The following RNF103 variants were observed in gnomAD, a reference collection of about 807,000 sequenced individuals.
RNF103 encodes the protein E3 ubiquitin-protein ligase RNF103.
In RNF103, 23 loss-of-function variants were observed where a neutral mutation model predicts 66.2. The ratio of observed to expected loss-of-function variants is 0.35; its 90% CI spans 0.25 to 0.49. The LOEUF (loss-of-function observed/expected upper bound fraction) is 0.49, where lower values mean the gene tolerates loss of function less well. RNF103 is among the 20% of genes least tolerant of loss of function. The pLI is 0.98. For synonymous variants in RNF103, 297 were observed against 289.9 expected, an observed-to-expected ratio of 1.02 and a Z score of -0.25; for missense variants, 730 against 814.7, an observed-to-expected ratio of 0.90 and a Z score of 1.27.
intron 3 of RNF103, among the ~76,000 whole-genome samples, chr2:86,607,465 A>C (rs1483608619): frequency 3.3e-5 from 5 of 152,236 alleles, no homozygotes; most frequent in Admixed American, 6.5e-5. Flanking sequence ...AAAACTGTCT[A>C]GGTGACTCAA....
intron 2 of RNF103, chr2:86,617,816 G>A: frequency 1.9e-6 from 2 of 1,060,832 alleles, no homozygotes; most frequent in Non-Finnish European, 2.3e-6. Flanking sequence ...TCTTTTAAGG[G>A]CTTAAACCAA....
intron 3 of RNF103, 133 bp downstream of exon 3, chr2:86,612,026 C>A: frequency 3.8e-6 from 2 of 519,662 alleles, no homozygotes; most frequent in South Asian, 3.4e-5. Flanking sequence ...TAATCAAGCA[C>A]CTATGTAACT....
At chr2:86,620,990 T>C (rs913729130) in intron 1 of RNF103, among the ~76,000 whole-genome samples, 5 of 152,288 alleles carry the variant, frequency 3.3e-5, no homozygotes, top group Admixed American at 2.6e-4. Flanking sequence ...ACAAACTCCA[T>C]ATTCATATAC....
Position 86,623,111 on chromosome 2 carries a change from G to T in RNF103, c.-225C>A. The T allele has an allele frequency of 8.0e-7, 1 of 1,243,432 alleles. No homozygotes were observed. Among genetic ancestry groups the T allele is most frequent in the Non-Finnish European group, 1.0e-6 (1 of 996,358 alleles). 77.0% of individuals were successfully genotyped at this position (1,243,432 alleles called of 1,614,324 possible). A position where few individuals can be genotyped will look rare whatever the true frequency, so the allele number is the denominator to read the frequency against. ...ACGCAGAGACGCAGAGCCTCGCGCCGGGCCTCCCAGTCAAGAGCCGACAAA... is the reference window on the plus strand; with the variant it reads ...ACGCAGAGACGCAGAGCCTCGCGCCTGGCCTCCCAGTCAAGAGCCGACAAA... On this transcript the variant is annotated 5_prime_UTR_variant, in exon 1 of 4. Transcript: ENST00000237455.
chr2:86,609,384 A>AT (rs112431636), intron 3 of RNF103, among the ~76,000 whole-genome samples: 5,287 of 134,396 alleles, frequency 0.039, 116 homozygotes, highest in Non-Finnish European at 0.053. Context: ...AGCCTCAGGT[A>AT]TTTTTTTTTT....
chr2:86,616,459 A>G (rs1278795930), intron 2 of RNF103: 4 of 945,884 alleles, frequency 4.2e-6, no homozygotes, highest in East Asian at 1.2e-4. Flanking sequence ...GTATTCTTAC[A>G]TAGAATTTAT....
At chr2:86,613,815 C>G (rs1573362634) in intron 2 of RNF103, 1 of 152,170 alleles carries the variant, frequency 6.6e-6, no homozygotes, top group Admixed American at 6.5e-5. Context: ...CTGTGACACT[C>G]CACTACCATC....
chr2:86,623,745 C>T lies in RNF103; in HGVS notation c.-859G>A. 7.8e-7 allele frequency: 1 copy of T among 1,274,456 alleles called. No individual in the cohort carries two copies. Among genetic ancestry groups the T allele is most frequent in the Non-Finnish European group, 1.0e-6 (1 of 982,976 alleles). 78.9% of individuals were successfully genotyped at this position (1,274,456 alleles called of 1,614,324 possible). ...TCCCGGCCACTCAGCGCCCGTCCCG[C>T]TCGGATGGGCAGTGCCGGTCGCAGC... On this transcript the variant is annotated 5_prime_UTR_variant, in exon 1 of 4. Coordinates refer to ENST00000237455, the MANE Select transcript of RNF103 (RefSeq NM_005667.4).
In RNF103 at chr2:86,623,846, G is replaced by C. The variant is rs1300176065; in HGVS notation, c.-960C>G. 1 of 1,287,884 alleles carries C rather than the reference G, an allele frequency of 7.8e-7. No homozygotes were observed. Among genetic ancestry groups the C allele is most frequent in the Non-Finnish European group, 1.0e-6 (1 of 988,346 alleles). The allele number at this position is 1,287,884 out of a possible 1,614,324, so 79.8% of individuals were successfully genotyped here. ...ACAACCGTGTATCAGCGGCGGCCGC[G>C]GCCGGAGCCGAGACATAACAACTGA... On this transcript the variant is annotated 5_prime_UTR_variant, in exon 1 of 4. Coordinates refer to ENST00000237455, the MANE Select transcript of RNF103 (RefSeq NM_005667.4).
intron 1 of RNF103, among the ~76,000 whole-genome samples, chr2:86,621,678 AAAG>A (rs147550751): frequency 0.069 from 10,480 of 152,242 alleles, 380 homozygotes; most frequent in Non-Finnish European, 0.072. Context: ...ATAAGGTACT[AAAG>A]AAGGAAAAGA....
intron 2 of RNF103, 115 bp from the exon 3 acceptor site, chr2:86,612,389 T>C (rs774184530): frequency 6.4e-6 from 4 of 623,876 alleles, no homozygotes; most frequent in Non-Finnish European, 1.1e-5. Context: ...TTCCCAGTTC[T>C]TGTTTACTGT....
Position 86,612,184 on chromosome 2 carries a change from T to C in RNF103, c.457A>G (p.Thr153Ala), listed in dbSNP as rs1678823162. Residue 153 changes from threonine to alanine, a missense_variant, in exon 3 of 4, where the codon ACA becomes GCA. By Grantham distance (58) the Thr-to-Ala change is moderately conservative. Transcript: ENST00000237455. ...KVSRFGIRTG[T>A]FNCSSDPRYC... Reference sequence around the variant, plus strand: ...CTGGGATCACTGGAACAGTTAAATGTGCCTGTACGTATTCCAAATCTTGAC... The same window carrying C: ...CTGGGATCACTGGAACAGTTAAATGCGCCTGTACGTATTCCAAATCTTGAC... The C allele has an allele frequency of 1.9e-6, 3 of 1,613,266 alleles. No individual in the cohort carries two copies. In the Middle Eastern group the frequency reaches 5.0e-4, roughly 266 times the overall value.
In RNF103 at chr2:86,603,753, C is replaced by A. The variant is rs3755000; in HGVS notation, c.*90G>T. 0.027 allele frequency: 39,930 copies of A among 1,504,816 alleles called. 795 individuals carry two copies. The highest frequency in any genetic ancestry group is 0.087 in the African/African-American group (6,232 of 71,486). 93.2% of individuals were successfully genotyped at this position (1,504,816 alleles called of 1,614,324 possible). On this transcript the variant is annotated 3_prime_UTR_variant, in exon 4 of 4. Coordinates refer to ENST00000237455, the MANE Select transcript of RNF103 (RefSeq NM_005667.4). ...TTCCCGTCACTGCACTAACATTAAA[C>A]TAAACTTCAAACCACAAAAACATTG...
At chr2:86,622,637 C>A in intron 1 of RNF103, 24 bp downstream of exon 1, 1 of 1,612,944 alleles carries the variant, frequency 6.2e-7, no homozygotes, top group Non-Finnish European at 8.5e-7. Context: ...GTGGAGGGGA[C>A]CCTAGGGGAA....
chr2:86,606,641 C>A, intron 3 of RNF103, among the ~76,000 whole-genome samples: 1 of 119,784 alleles, frequency 8.3e-6, no homozygotes, highest in Middle Eastern at 6.8e-3. Context: ...CCAGCCTGGG[C>A]GACAGAGCAA....
intron 2 of RNF103, chr2:86,618,236 C>T (rs1024459417): frequency 1.6e-5 from 4 of 248,292 alleles, no homozygotes; most frequent in Non-Finnish European, 3.4e-5. Flanking sequence ...AATTCCTTGC[C>T]ACTCTCATCT....
chr2:86,622,388 C>T (rs1423121322), intron 1 of RNF103, among the ~76,000 whole-genome samples: 1 of 152,278 alleles, frequency 6.6e-6, no homozygotes, highest in Non-Finnish European at 1.5e-5. Flanking sequence ...GAGAAAATCA[C>T]TCAACTTAGT....
At position 86,605,130 on chromosome 2, in the gene RNF103, A is replaced by G; in HGVS notation, c.771T>C (p.Phe257=). 1 of 1,613,924 alleles carries G rather than the reference A, an allele frequency of 6.2e-7. No homozygotes were observed. The highest frequency in any genetic ancestry group is 2.2e-5 in the East Asian group (1 of 44,874). Residue 257 remains phenylalanine (F), a synonymous_variant, in exon 4 of 4, where the codon TTT becomes TTC. Transcript: ENST00000237455. ...PAFFSALSIK[F]TGRVEFIFVN... ...CAAAAATAAACTCAACTCTTCCAGTAAACTTTATACTTAGTGCAGAGAAGA... is the reference window on the plus strand; with the variant it reads ...CAAAAATAAACTCAACTCTTCCAGTGAACTTTATACTTAGTGCAGAGAAGA...
At position 86,605,278 on chromosome 2, in the gene RNF103, G is replaced by A. The variant is rs1296713166; in HGVS notation, c.623C>T (p.Ala208Val). ...GGTTTTGATCCGAGAAGCTGCATGA[G>A]CAGTTATCCATTTAAAAATGTGCTC... is the stretch of plus-strand genomic sequence containing the variant. ...EVEHIFKWITAHAASRIKTIY... is the reference protein window; with the variant it reads ...EVEHIFKWITVHAASRIKTIY... The change falls in exon 4 of 4, where the codon GCT becomes GTT. Residue 208 changes from alanine to valine, a missense_variant. Transcript: ENST00000237455. The A allele has an allele frequency of 6.2e-7, 1 of 1,614,144 alleles. No individual in the cohort carries two copies. The highest frequency in any genetic ancestry group is 8.5e-7 in the Non-Finnish European group (1 of 1,180,028).
Sources: allele counts gnomAD v4.1 joint callset (sites outside exome capture counted in the v4.1 genomes callset), GRCh38; gene constraint gnomAD v4.1.1; transcripts MANE v1.5; gene names NCBI Gene and HGNC (gene_info 2026-07-23, HGNC 2026-07-21).